The following GALNT3 variants were observed in gnomAD, a reference collection of about 807,000 sequenced individuals.
GALNT3 encodes GalNAc transferase 3.
In GALNT3, 51 loss-of-function variants were observed where a neutral mutation model predicts 69.8. The ratio of observed to expected loss-of-function variants is 0.73; its 90% CI spans 0.58 to 0.92. GALNT3 has a LOEUF of 0.92. Ranked by LOEUF, GALNT3 falls within the 40% of genes least tolerant of loss-of-function variation. GALNT3 has a pLI of 0.00. For synonymous variants in GALNT3, 265 were observed against 248.5 expected, an observed-to-expected ratio of 1.07 and a Z score of -0.63; for missense variants, 711 against 760.0, an observed-to-expected ratio of 0.94 and a Z score of 0.76.
At chr2:165,755,930 TATTTG>T (rs764982921) in intron 7 of GALNT3, among the ~76,000 whole-genome samples, 29 of 152,028 alleles carry the variant, frequency 1.9e-4, no homozygotes, top group Non-Finnish European at 2.5e-4. Context: ...AACCAACAGG[TATTTG>T]CTGATTTATG....
At position 165,781,971 on chromosome 2, in the gene GALNT3, G is replaced by C. The variant is rs114560934; in HGVS notation, c.-108-11163C>G. Among the ~76,000 whole-genome samples the C allele has an allele frequency of 8.1e-3, 1,226 of 152,246 alleles. 18 individuals carry two copies. The highest frequency in any genetic ancestry group is 0.028 in the African/African-American group (1,179 of 41,564). ...CATACCAAATGCCAGGGGCCATGTG[G>C]TTTGATAAAGATATTACATCTGGGT... On this transcript the variant is annotated intron_variant, in intron 1 of 10. Coordinates refer to ENST00000392701, the MANE Select transcript of GALNT3 (RefSeq NM_004482.4).
intron 6 of GALNT3, 29 bp from the exon 7 acceptor site, chr2:165,757,276 T>C (rs913426773): frequency 1.2e-6 from 2 of 1,602,392 alleles, no homozygotes; most frequent in Non-Finnish European, 1.7e-6. Context: ...TGTTTAAATT[T>C]ACAGTATTTT....
chr2:165,756,847 AG>A (rs1477598212), intron 7 of GALNT3, among the ~76,000 whole-genome samples, 199 bp downstream of exon 7: 2 of 152,252 alleles, frequency 1.3e-5, no homozygotes, highest in African/African-American at 4.8e-5. Context: ...AACATCAAGT[AG>A]AATTCCTGAT....
intron 2 of GALNT3, among the ~76,000 whole-genome samples, chr2:165,768,950 C>A (rs1028220600): frequency 6.6e-6 from 1 of 151,342 alleles, no homozygotes; most frequent in Non-Finnish European, 1.5e-5. Flanking sequence ...ACACGGCACC[C>A]TGTCCGGCTA....
intron 4 of GALNT3, chr2:165,761,619 A>G: frequency 1.7e-6 from 1 of 605,094 alleles, no homozygotes; most frequent in Non-Finnish European, 2.9e-6. Flanking sequence ...GAAACATGGA[A>G]AAAAAAAAAA....
At position 165,763,621 on chromosome 2, in the gene GALNT3, G is replaced by A. The variant is rs528123980; in HGVS notation, c.688+1263C>T. 2.0e-5 allele frequency among the ~76,000 whole-genome samples: 3 copies of A among 152,114 alleles called. No homozygotes were observed. The East Asian group carries it at 5.8e-4, about 29-fold the overall frequency. On this transcript the variant is annotated intron_variant, in intron 3 of 10. Transcript: ENST00000392701. ...AAACATTTTCTGTTTTAAGAGGCTT[G>A]TAAAAATTTCAACATTCTTGGTTAG...
At position 165,770,582 on chromosome 2, in the gene GALNT3, T is replaced by C. The variant is rs775429771; in HGVS notation, c.119A>G (p.Glu40Gly). The C allele has an allele frequency of 6.2e-7, 1 of 1,610,560 alleles. No homozygotes were observed. The highest frequency in any genetic ancestry group is 8.5e-7 in the Non-Finnish European group (1 of 1,178,306). The change falls in exon 2 of 11, where the codon GAA (glutamate) becomes GGA (glycine). Residue 40 changes from glutamate to glycine, a missense_variant. Glu to Gly is a moderately conservative substitution (Grantham distance 98). Coordinates refer to ENST00000392701, the MANE Select transcript of GALNT3 (RefSeq NM_004482.4). Reference sequence around the variant, plus strand: ...CTCTTTGGAATATTGAACACTTACTTCTCTTTGCATTAAAACCAAAACTAT... The same window carrying C: ...CTCTTTGGAATATTGAACACTTACTCCTCTTTGCATTAAAACCAAAACTAT... ...FIIVLVLMQR[E>G]VSVQYSKEES...
chr2:165,765,106 A>G, intron 2 of GALNT3, 50 bp from the exon 3 acceptor site: 1 of 1,447,600 alleles, frequency 6.9e-7, no homozygotes, highest in Non-Finnish European at 9.7e-7. Flanking sequence ...TTATTATTTT[A>G]TTTCACAGCT....
Position 165,764,937 on chromosome 2 carries a change from G to A in GALNT3, c.635C>T (p.Ser212Leu). 1 of 1,614,184 alleles carries A rather than the reference G, an allele frequency of 6.2e-7. No individual in the cohort carries two copies. The highest frequency in any genetic ancestry group is 8.5e-7 in the Non-Finnish European group (1 of 1,180,022). ...LRTVHSVLYS[S>L]PAILLKEIIL... is the part of the protein sequence containing the mutation. ...GATTTCCTTCAGCAGTATTGCAGGT[G>A]AAGAATAGAGCACACTGTGGACAGT... Residue 212 changes from serine (S) to leucine (L), a missense_variant, in exon 3 of 11, where the codon TCA becomes TTA. Transcript: ENST00000392701.
At chr2:165,765,149 T>C in intron 2 of GALNT3, 93 bp from the exon 3 acceptor site, 7 of 1,079,054 alleles carry the variant, frequency 6.5e-6, no homozygotes, top group Non-Finnish European at 9.7e-6. Flanking sequence ...TATTGAATCT[T>C]TATCACTGAA....
chr2:165,764,799 T>G, intron 3 of GALNT3, 85 bp downstream of exon 3: 1 of 1,349,030 alleles, frequency 7.4e-7, no homozygotes, highest in Non-Finnish European at 1.1e-6. Context: ...TGAGATGGCA[T>G]ACAGAGAGTA....
chr2:165,750,376 A>G (rs1300360700), intron 9 of GALNT3, among the ~76,000 whole-genome samples: 1 of 152,194 alleles, frequency 6.6e-6, no homozygotes, highest in Non-Finnish European at 1.5e-5. Context: ...TAAGTGGGTT[A>G]ATACGCATAA....
chr2:165,790,124 TA>T (rs1683313389), intron 1 of GALNT3, among the ~76,000 whole-genome samples: 1 of 152,156 alleles, frequency 6.6e-6, no homozygotes, highest in Non-Finnish European at 1.5e-5. Context: ...AGATGTCCAA[TA>T]GGCAATCATA....
intron 1 of GALNT3, among the ~76,000 whole-genome samples, chr2:165,778,231 T>C (rs1683016611): frequency 6.6e-6 from 1 of 152,216 alleles, no homozygotes; most frequent in East Asian, 1.9e-4. Context: ...AAGATATGCA[T>C]TGATTACTTA....
intron 4 of GALNT3, among the ~76,000 whole-genome samples, 183 bp from the exon 5 acceptor site, chr2:165,759,753 A>C (rs1267986409): frequency 6.6e-6 from 1 of 152,190 alleles, no homozygotes; most frequent in Non-Finnish European, 1.5e-5. Context: ...AATTCTATAC[A>C]TTTGCAGTGT....
Position 165,759,581 on chromosome 2 carries a change from C to A in GALNT3, c.839-11G>T, listed in dbSNP as rs773238252. The A allele has an allele frequency of 9.4e-6, 15 of 1,594,420 alleles. No homozygotes were observed. Among genetic ancestry groups the A allele is most frequent in the African/African-American group, 2.7e-5 (2 of 74,464 alleles). ...CATAGAAACACTCACCTGGAGGGAA[C>A]AGAATTTTAATTAATTCAATAAAAA... On this transcript the variant is annotated splice_polypyrimidine_tract_variant and intron_variant, in intron 4 of 10. Transcript: ENST00000392701.
Position 165,770,608 on chromosome 2 carries a change from T to C in GALNT3, c.93A>G (p.Ile31Met). Reference protein sequence around the residue: ...WKLGAVIFFFIIVLVLMQREV... With the variant: ...WKLGAVIFFFMIVLVLMQREV... Reference sequence around the variant, plus strand: ...CTCTTTGCATTAAAACCAAAACTATTATAAAGAAAAAAATTACTGCACCAA... The same window carrying C: ...CTCTTTGCATTAAAACCAAAACTATCATAAAGAAAAAAATTACTGCACCAA... The change falls in exon 2 of 11, where the codon ATA becomes ATG. Residue 31 changes from isoleucine to methionine, a missense_variant. Coordinates refer to ENST00000392701, the MANE Select transcript of GALNT3 (RefSeq NM_004482.4). The C allele has an allele frequency of 1.9e-6, 3 of 1,603,558 alleles. No homozygotes were observed. Among genetic ancestry groups the C allele is most frequent in the Non-Finnish European group, 2.6e-6 (3 of 1,176,006 alleles).
At chr2:165,764,757 T>C in intron 3 of GALNT3, 127 bp downstream of exon 3, 3 of 922,222 alleles carry the variant, frequency 3.3e-6, no homozygotes, top group Non-Finnish European at 3.6e-6. Context: ...TCATTCACCA[T>C]ACCCACTATC....
intron 2 of GALNT3, among the ~76,000 whole-genome samples, chr2:165,765,713 C>T (rs1395050812): frequency 6.6e-6 from 1 of 152,130 alleles, no homozygotes; most frequent in Non-Finnish European, 1.5e-5. Context: ...TGGTCTCGAT[C>T]ACCTGACCTT....
Sources: allele counts gnomAD v4.1 joint callset (sites outside exome capture counted in the v4.1 genomes callset), GRCh38; gene constraint gnomAD v4.1.1; transcripts MANE v1.5; gene names NCBI Gene and HGNC (gene_info 2026-07-23, HGNC 2026-07-21).